The following ARHGAP24 variants were observed in gnomAD, a reference collection of about 807,000 sequenced individuals.
ARHGAP24 encodes Rho GTPase activating protein 24, also known as rho GTPase-activating protein 24.
ARHGAP24 carries 50 observed loss-of-function variants against 76.4 expected under a neutral mutation model. That is an observed-to-expected ratio of 0.65 (90% CI 0.52 to 0.83). The LOEUF (loss-of-function observed/expected upper bound fraction) is 0.83, where lower values mean the gene tolerates loss of function less well. ARHGAP24 is among the 40% of genes least tolerant of loss of function. The pLI is 0.00. For synonymous variants in ARHGAP24, 345 were observed against 323.3 expected, an observed-to-expected ratio of 1.07 and a Z score of -0.72; for missense variants, 930 against 914.2, an observed-to-expected ratio of 1.02 and a Z score of -0.22.
At chr4:85,550,899 G>T (rs1440317271) in intron 1 of ARHGAP24, among the ~76,000 whole-genome samples, 1 of 152,190 alleles carries the variant, frequency 6.6e-6, no homozygotes, top group Non-Finnish European at 1.5e-5. Flanking sequence ...AAACTTTGCT[G>T]AAGTTGTTTA....
chr4:85,800,176 T>C (rs2110103550), intron 3 of ARHGAP24, among the ~76,000 whole-genome samples: 1 of 152,340 alleles, frequency 6.6e-6, no homozygotes, highest in South Asian at 2.1e-4. Context: ...TAACACAAGA[T>C]AAAGCTGGGT....
At chr4:85,548,763 C>G (rs1317292603) in intron 1 of ARHGAP24, among the ~76,000 whole-genome samples, 2 of 152,180 alleles carry the variant, frequency 1.3e-5, no homozygotes. Context: ...TTTCTCCTGT[C>G]TCATCAAGAT....
chr4:85,848,461 G>C (rs531741970), intron 3 of ARHGAP24, among the ~76,000 whole-genome samples: 4 of 152,248 alleles, frequency 2.6e-5, no homozygotes, highest in Admixed American at 6.5e-5. Flanking sequence ...GCAATAGTTT[G>C]CTCAGAACGA....
intron 3 of ARHGAP24, among the ~76,000 whole-genome samples, chr4:85,890,652 G>A (rs1235910700): frequency 6.6e-6 from 1 of 152,154 alleles, no homozygotes; most frequent in Non-Finnish European, 1.5e-5. Context: ...TCAGGTAGTG[G>A]CAGCTAGAAT....
At chr4:85,728,956 G>T (rs1725283917) in intron 3 of ARHGAP24, among the ~76,000 whole-genome samples, 1 of 152,128 alleles carries the variant, frequency 6.6e-6, no homozygotes, top group African/African-American at 2.4e-5. Context: ...TGTTTTAATT[G>T]TGTTTTAGCA....
At chr4:85,926,500 A>T (rs1736032355) in intron 4 of ARHGAP24, among the ~76,000 whole-genome samples, 1 of 152,192 alleles carries the variant, frequency 6.6e-6, no homozygotes. Flanking sequence ...CTGATAAGAG[A>T]TCCCAACTGT....
At chr4:85,923,151 G>A (rs1212052464) in intron 3 of ARHGAP24, among the ~76,000 whole-genome samples, 1 of 152,062 alleles carries the variant, frequency 6.6e-6, no homozygotes, top group East Asian at 1.9e-4. Flanking sequence ...CTGGGTCAAA[G>A]GCATTGCATG....
At chr4:85,930,502 C>G (rs1736267892) in intron 4 of ARHGAP24, 1 of 998,522 alleles carries the variant, frequency 1.0e-6, no homozygotes, top group African/African-American at 1.7e-5. Flanking sequence ...CCTCTTTCCT[C>G]TTGCACAGAG....
At chr4:85,579,541 G>C (rs975816021) in intron 2 of ARHGAP24, among the ~76,000 whole-genome samples, 3 of 113,698 alleles carry the variant, frequency 2.6e-5, no homozygotes, top group African/African-American at 9.2e-5. Flanking sequence ...CTCTTCTTTA[G>C]CTTTATCTTG....
At chr4:85,989,621 G>A (rs994121254) in intron 8 of ARHGAP24, among the ~76,000 whole-genome samples, 4 of 151,558 alleles carry the variant, frequency 2.6e-5, no homozygotes, top group Non-Finnish European at 4.4e-5. Context: ...CATGAATATA[G>A]ACATATAAAT....
intron 2 of ARHGAP24, among the ~76,000 whole-genome samples, chr4:85,583,955 A>C (rs1032873683): frequency 6.7e-6 from 1 of 150,110 alleles, no homozygotes; most frequent in African/African-American, 2.5e-5. Context: ...GGTGCTGGAG[A>C]GGATGTGCAG....
chr4:85,950,241 C>A (rs1737531799), intron 5 of ARHGAP24, among the ~76,000 whole-genome samples: 1 of 152,086 alleles, frequency 6.6e-6, no homozygotes. Context: ...GCCTGTAATC[C>A]CAGCACTTTG....
At position 85,910,671 on chromosome 4, in the gene ARHGAP24, A is replaced by C. The variant is rs1369655148; in HGVS notation, c.269-12977A>C. ...CCTACAACTCCTGCTATTAGCAGAG[A>C]GAGTAGCTCCTCTCTGCAGGCAGGT... On this transcript the variant is annotated intron_variant, in intron 3 of 9. Coordinates refer to ENST00000395184, the MANE Select transcript of ARHGAP24 (RefSeq NM_001025616.3). 2.6e-5 allele frequency among the ~76,000 whole-genome samples: 4 copies of C among 152,054 alleles called. No individual in the cohort carries two copies. The South Asian group carries it at 8.3e-4, about 32-fold the overall frequency.
At chr4:85,879,901 C>T (rs1433481107) in intron 3 of ARHGAP24, among the ~76,000 whole-genome samples, 2 of 151,890 alleles carry the variant, frequency 1.3e-5, no homozygotes, top group East Asian at 1.9e-4. Flanking sequence ...GCATTAGATT[C>T]TCATAAGGAG....
chr4:85,986,505 T>A (rs1362502481), intron 8 of ARHGAP24, among the ~76,000 whole-genome samples: 1 of 152,044 alleles, frequency 6.6e-6, no homozygotes, highest in Non-Finnish European at 1.5e-5. Flanking sequence ...AGATTACTAC[T>A]GGGAGGCAGT....
chr4:85,896,287 G>A (rs1054249344), intron 3 of ARHGAP24, among the ~76,000 whole-genome samples: 7 of 152,136 alleles, frequency 4.6e-5, no homozygotes, highest in Non-Finnish European at 8.8e-5. Context: ...TTTACGATTA[G>A]TTTTTAAGTA....
chr4:85,534,299 A>T (rs1725380332), intron 1 of ARHGAP24, among the ~76,000 whole-genome samples: 1 of 151,810 alleles, frequency 6.6e-6, no homozygotes, highest in Non-Finnish European at 1.5e-5. Flanking sequence ...TTGACACTTG[A>T]TCCTCCCGTT....
At chr4:85,719,160 C>T (rs1203362594) in intron 2 of ARHGAP24, among the ~76,000 whole-genome samples, 1 of 152,002 alleles carries the variant, frequency 6.6e-6, no homozygotes, top group Non-Finnish European at 1.5e-5. Flanking sequence ...TATGTAGAAA[C>T]CATATAGATT....
chr4:85,516,868 G>C (rs1724529001), intron 1 of ARHGAP24, among the ~76,000 whole-genome samples: 1 of 151,948 alleles, frequency 6.6e-6, no homozygotes, highest in Non-Finnish European at 1.5e-5. Flanking sequence ...GGGCTTTCCT[G>C]TAATTATGTC....
Sources: allele counts gnomAD v4.1 joint callset (sites outside exome capture counted in the v4.1 genomes callset), GRCh38; gene constraint gnomAD v4.1.1; transcripts MANE v1.5; gene names NCBI Gene and HGNC (gene_info 2026-07-23, HGNC 2026-07-21).